ESRP1: variants seen among roughly 807,000 people sequenced by gnomAD.
ESRP1 encodes the protein epithelial splicing regulatory protein 1.
A neutral mutation model predicts 81.7 loss-of-function variants in ESRP1; 33 were observed. The ratio of observed to expected loss-of-function variants is 0.40; its 90% CI spans 0.31 to 0.54. The LOEUF (loss-of-function observed/expected upper bound fraction) is 0.54. Ranked by LOEUF, ESRP1 falls within the 20% of genes least tolerant of loss-of-function variation. ESRP1 has a pLI of 0.41. For synonymous variants in ESRP1, 320 were observed against 303.3 expected, an observed-to-expected ratio of 1.06 and a Z score of -0.57; for missense variants, 672 against 833.1, an observed-to-expected ratio of 0.81 and a Z score of 2.38.
rs368022443 is a variant in ESRP1 at position 94,678,318 on chromosome 8, G to A, written c.1767G>A (p.Ala589=). The A allele has an allele frequency of 2.9e-5, 47 of 1,613,822 alleles. No homozygotes were observed. The highest frequency in any genetic ancestry group is 1.6e-4 in the Middle Eastern group (1 of 6,080). The part of the protein sequence containing the change: ...LNPRALQPST[A]YYPAGTQLFM... ...CACGAGCACTGCAGCCCTCCACAGC[G>A]TACTACCCAGCAGGCACTCAGCTCT... is the stretch of plus-strand genomic sequence containing the variant. Residue 589 remains alanine, a synonymous_variant, in exon 13 of 16, where the codon GCG becomes GCA. Transcript: ENST00000433389.
chr8:94,660,762 CAAAAAA>C (rs1818703945), intron 4 of ESRP1, among the ~76,000 whole-genome samples: 1 of 80,058 alleles, frequency 1.2e-5, no homozygotes, highest in African/African-American at 5.0e-5. Context: ...AACAAACAAA[CAAAAAA>C]CCAAAGAAAA....
intron 9 of ESRP1, 152 bp downstream of exon 9, chr8:94,665,348 T>A (rs1280157705): frequency 1.3e-6 from 1 of 793,284 alleles, no homozygotes; most frequent in Non-Finnish European, 2.0e-6. Flanking sequence ...AGGTAGAAGC[T>A]TCCGATAATA....
At chr8:94,646,048 T>C in intron 3 of ESRP1, 120 bp from the exon 4 acceptor site, 1 of 499,118 alleles carries the variant, frequency 2.0e-6, no homozygotes. Context: ...TACTTTTACA[T>C]TAAATTTTAA....
Position 94,707,209 on chromosome 8 carries a change from A to G in ESRP1, c.*1320A>G, listed in dbSNP as rs1810097929. On this transcript the variant is annotated 3_prime_UTR_variant, in exon 16 of 16. Coordinates refer to ENST00000433389, the MANE Select transcript of ESRP1 (RefSeq NM_017697.4). ...ATTACTTTAACACCTTAAAGGGAGA[A>G]GCAAACATTTCCTTCTTCAGCTGAC... 1 of 152,238 alleles carries G rather than the reference A, an allele frequency of 6.6e-6. No individual in the cohort carries two copies. The highest frequency in any genetic ancestry group is 6.5e-5 in the Admixed American group (1 of 15,282). 9.4% of individuals were successfully genotyped at this position (152,238 alleles called of 1,614,324 possible).
chr8:94,666,071 AT>A (rs1232159951), intron 9 of ESRP1, among the ~76,000 whole-genome samples: 6 of 151,986 alleles, frequency 3.9e-5, no homozygotes, highest in African/African-American at 7.2e-5. Context: ...TTTTTGTCTG[AT>A]TTTTTTCTAT....
chr8:94,672,228 A>T (rs1338693882), intron 11 of ESRP1, among the ~76,000 whole-genome samples: 1 of 152,192 alleles, frequency 6.6e-6, no homozygotes, highest in African/African-American at 2.4e-5. Flanking sequence ...CATGTTAGAC[A>T]TCAAATTACA....
Position 94,643,270 on chromosome 8 carries a change from A to G in ESRP1, c.262-33A>G, listed in dbSNP as rs145348528. The G allele has an allele frequency of 2.0e-4, 282 of 1,399,310 alleles. 2 individuals carry two copies. The African/African-American group carries it at 3.7e-3, about 18-fold the overall frequency. 86.7% of individuals were successfully genotyped at this position (1,399,310 alleles called of 1,614,324 possible). Reference sequence around the variant, plus strand: ...TTGCAGAGTTTGTAAATCGTGCATCAGTTGCATCCCTATGTGTATCTTGTT... The same window carrying G: ...TTGCAGAGTTTGTAAATCGTGCATCGGTTGCATCCCTATGTGTATCTTGTT... On this transcript the variant is annotated intron_variant, in intron 2 of 15. Transcript: ENST00000433389.
chr8:94,652,276 C>T (rs527771884), intron 4 of ESRP1, among the ~76,000 whole-genome samples: 5 of 152,262 alleles, frequency 3.3e-5, no homozygotes, highest in African/African-American at 1.2e-4. Context: ...GCGTGAGCCA[C>T]TGCGCCTGGC....
chr8:94,664,122 T>G (rs1187441992), intron 6 of ESRP1, among the ~76,000 whole-genome samples: 1 of 63,004 alleles, frequency 1.6e-5, no homozygotes, highest in Non-Finnish European at 4.6e-5. Flanking sequence ...TTCCTCAGCT[T>G]TTTTTTTTTT....
intron 15 of ESRP1, among the ~76,000 whole-genome samples, chr8:94,698,147 A>G (rs1280447640): frequency 6.6e-6 from 1 of 152,252 alleles, no homozygotes; most frequent in African/African-American, 2.4e-5. Flanking sequence ...TAAAGTGTCC[A>G]GTAGCATTAA....
intron 4 of ESRP1, among the ~76,000 whole-genome samples, chr8:94,648,859 A>G (rs912503650): frequency 1.3e-5 from 2 of 152,246 alleles, no homozygotes; most frequent in African/African-American, 4.8e-5. Flanking sequence ...TGATGTCACA[A>G]TATTCTAAGT....
chr8:94,705,156 C>CTTTTTTTTTTTTTTTTTTTTTTTTT (rs57801249), intron 15 of ESRP1, among the ~76,000 whole-genome samples: 2 of 90,560 alleles, frequency 2.2e-5, no homozygotes, highest in African/African-American at 8.8e-5. Flanking sequence ...TGCCTTATTG[C>CTTTTTTTTTTTTTTTTTTTTTTTTT]TTTTTTTTTT....
intron 11 of ESRP1, 50 bp from the exon 12 acceptor site, chr8:94,674,258 G>A (rs747171103): frequency 1.9e-6 from 3 of 1,562,776 alleles, no homozygotes; most frequent in East Asian, 4.5e-5. Flanking sequence ...CCATTTCCTT[G>A]TTGAAGGAGA....
intron 13 of ESRP1, among the ~76,000 whole-genome samples, chr8:94,687,533 A>G (rs1490010638): frequency 1.3e-5 from 2 of 152,224 alleles, no homozygotes; most frequent in African/African-American, 4.8e-5. Context: ...TGGCTTCACC[A>G]TTTGACATTC....
intron 13 of ESRP1, among the ~76,000 whole-genome samples, chr8:94,682,619 A>C (rs1808935811): frequency 6.6e-6 from 1 of 151,704 alleles, no homozygotes; most frequent in African/African-American, 2.4e-5. Flanking sequence ...TTCCCACGTC[A>C]GCCTCCCAAT....
chr8:94,675,173 C>T (rs779320768), intron 12 of ESRP1, among the ~76,000 whole-genome samples: 6 of 112,268 alleles, frequency 5.3e-5, no homozygotes, highest in Non-Finnish European at 1.4e-4. Flanking sequence ...CTGTAGTCTA[C>T]GAAGTTCTAG....
intron 15 of ESRP1, among the ~76,000 whole-genome samples, chr8:94,697,250 T>A (rs999249525): frequency 6.6e-6 from 1 of 152,232 alleles, no homozygotes; most frequent in African/African-American, 2.4e-5. Flanking sequence ...GTATTCTTTT[T>A]TTTAATTGAG....
Position 94,662,574 on chromosome 8 carries a change from T to C in ESRP1, c.644+19T>C. 1.9e-6 allele frequency: 3 copies of C among 1,570,010 alleles called. No individual in the cohort carries two copies. Among genetic ancestry groups the C allele is most frequent in the Non-Finnish European group, 2.6e-6 (3 of 1,157,598 alleles). On this transcript the variant is annotated intron_variant, in intron 6 of 15. Transcript: ENST00000433389. ...GAACTTGGTAAGTGCTTGAGTACTA[T>C]TTATTTGAGCTTTTTAACTTGTTTT...
chr8:94,657,144 T>G (rs1469276115), intron 4 of ESRP1, among the ~76,000 whole-genome samples: 4 of 152,228 alleles, frequency 2.6e-5, no homozygotes, highest in Non-Finnish European at 4.4e-5. Context: ...CCTGAAATGA[T>G]GAGTTTTGTT....
Sources: allele counts gnomAD v4.1 joint callset (sites outside exome capture counted in the v4.1 genomes callset), GRCh38; gene constraint gnomAD v4.1.1; transcripts MANE v1.5; gene names NCBI Gene and HGNC (gene_info 2026-07-23, HGNC 2026-07-21).